AHNAK: variants seen among roughly 807,000 people sequenced by gnomAD.
The protein encoded by AHNAK is AHNAK nucleoprotein.
AHNAK carries 23 observed loss-of-function variants against 37.8 expected under a neutral mutation model. The observed-to-expected ratio is 0.61, with a 90% CI of 0.44 to 0.86. The LOEUF (loss-of-function observed/expected upper bound fraction) is 0.86, where lower values mean the gene tolerates loss of function less well. Ranked by LOEUF, AHNAK falls within the 40% of genes least tolerant of loss-of-function variation. The pLI is 0.00. For missense variants in AHNAK, 7,411 were observed against 7,319.4 expected (o/e 1.01, Z -0.46); for synonymous variants, 2,481 against 2,636.3 (o/e 0.94, Z 1.80).
intron 4 of AHNAK, among the ~76,000 whole-genome samples, chr11:62,497,113 T>C (rs965813101): frequency 2.6e-5 from 4 of 152,184 alleles, no homozygotes; most frequent in Admixed American, 6.5e-5. Flanking sequence ...TGCGGTATCA[T>C]TCCTGAGGTA....
rs1270885721 is a variant in AHNAK, at chr11:62,520,017, C to T, written c.14400G>A (p.Val4800=). 1 of 1,613,504 alleles carries T rather than the reference C, an allele frequency of 6.2e-7. No homozygotes were observed. Among genetic ancestry groups the T allele is most frequent in the African/African-American group, 1.3e-5 (1 of 74,746 alleles). The change falls in exon 5 of 5, where the codon GTG becomes GTA. Residue 4800 remains valine (V), a synonymous_variant. Coordinates refer to ENST00000378024, the MANE Select transcript of AHNAK (RefSeq NM_001620.3). ...TGTCGGCCTTGGGCAGGCTCACATC[C>T]ACATCTGGACCTTCTCCTTTGAAGC... ...MPGFKGEGPD[V]DVSLPKADID... is the part of the protein sequence containing the mutation.
At chr11:62,513,781 A>T (rs1257501132), downstream of AHNAK, among the ~76,000 whole-genome samples, 1 of 152,172 alleles carries the variant, frequency 6.6e-6, no homozygotes, top group Non-Finnish European at 1.5e-5. Flanking sequence ...GGTGGCTAGA[A>T]GACTCTCAAG....
chr11:62,530,816 C>T lies in AHNAK; in HGVS notation c.3601G>A (p.Asp1201Asn), dbSNP rs1259650365. The T allele has an allele frequency of 8.7e-6, 14 of 1,613,720 alleles. No homozygotes were observed. The highest frequency in any genetic ancestry group is 1.3e-5 in the African/African-American group (1 of 74,758). The change falls in exon 5 of 5, where the codon GAC (aspartate) becomes AAC (asparagine). Residue 1201 changes from aspartate (D) to asparagine (N), a missense_variant. Asp to Asn is a conservative substitution (Grantham distance 23). Transcript: ENST00000378024. ...ACTTTGGGGCCTTTCAAGTGTAAGT[C>T]CACATCAGGCATGGAGATCTTGGGG... ...KTPKISMPDV[D>N]LHLKGPKVKG...
chr11:62,507,570 C>T (rs958276896), intron 4 of AHNAK, among the ~76,000 whole-genome samples: 2 of 152,146 alleles, frequency 1.3e-5, no homozygotes, highest in African/African-American at 2.4e-5. Context: ...GCGGGCAGAT[C>T]ACTTGAGGTC....
Position 62,516,588 on chromosome 11 carries a change from G to A in AHNAK, c.*156C>T, listed in dbSNP as rs931899399. 1.4e-5 allele frequency: 20 copies of A among 1,471,590 alleles called. No homozygotes were observed. In the South Asian group the frequency reaches 2.1e-4, roughly 16 times the overall value. 91.2% of individuals were successfully genotyped at this position (1,471,590 alleles called of 1,614,324 possible). On this transcript the variant is annotated 3_prime_UTR_variant, in exon 5 of 5. Coordinates refer to ENST00000378024, the MANE Select transcript of AHNAK (RefSeq NM_001620.3). ...TGTATAGTTCCAGGAGCCTACAGGC[G>A]GTCGGTTTTTCAGCGCTTGCCACCG...
At position 62,516,847 on chromosome 11, in the gene AHNAK, G is replaced by C. The variant is rs771775611; in HGVS notation, c.17570C>G (p.Ser5857Cys). 9 of 1,614,106 alleles carry C rather than the reference G, an allele frequency of 5.6e-6. No homozygotes were observed. Among genetic ancestry groups the C allele is most frequent in the Non-Finnish European group, 6.8e-6 (8 of 1,180,032 alleles). The change falls in exon 5 of 5, where the codon TCT becomes TGT. Residue 5857 changes from serine (S) to cysteine (C), a missense_variant. By Grantham distance (112) the Ser-to-Cys change is moderately radical. Coordinates refer to ENST00000378024, the MANE Select transcript of AHNAK (RefSeq NM_001620.3). ...KLQGSGVSLA[S>C]KKSRLSSSSS... is the part of the protein sequence containing the mutation. The stretch of plus-strand genomic sequence containing the variant: ...AGAGGAGGACAGTCGGGACTTCTTA[G>C]AGGCCAGGGACACCCCACTCCCCTG...
chr11:62,541,612 A>G (rs1318121411), intron 1 of AHNAK, among the ~76,000 whole-genome samples: 1 of 152,224 alleles, frequency 6.6e-6, no homozygotes, highest in Non-Finnish European at 1.5e-5. Context: ...CCCACACACA[A>G]GTAGAAAGAG....
rs1467927373 is a variant in AHNAK at position 62,529,861 on chromosome 11, C to A, written c.4556G>T (p.Ser1519Ile). Residue 1519 changes from serine to isoleucine, a missense_variant, in exon 5 of 5, where the codon AGC becomes ATC. Coordinates refer to ENST00000378024, the MANE Select transcript of AHNAK (RefSeq NM_001620.3). ...GCCCTCTCCTTTAAAGCCAGGCATG[C>A]TGAACTTGGGCATTTTTACCTTGGG... Reference protein sequence around the residue: ...KMPKVKMPKFSMPGFKGEGPE... With the variant: ...KMPKVKMPKFIMPGFKGEGPE... The A allele has an allele frequency of 1.9e-6, 3 of 1,614,004 alleles. No individual in the cohort carries two copies. The highest frequency in any genetic ancestry group is 3.3e-5 in the Admixed American group (2 of 59,988).
At chr11:62,534,182 G>C (rs1460682660) in intron 4 of AHNAK, 108 bp from the exon 5 acceptor site, 2 of 1,238,464 alleles carry the variant, frequency 1.6e-6, no homozygotes, top group Admixed American at 5.7e-5. Flanking sequence ...AGAGAAGCTG[G>C]GACCAAAACA....
chr11:62,466,114 G>A (rs943495069), intron 5 of AHNAK, among the ~76,000 whole-genome samples: 5 of 152,130 alleles, frequency 3.3e-5, no homozygotes, highest in Non-Finnish European at 7.4e-5. Flanking sequence ...AAGGCCAGGA[G>A]TTCGAGATCA....
intron 5 of AHNAK, among the ~76,000 whole-genome samples, chr11:62,454,348 G>A (rs1938607614): frequency 6.6e-6 from 1 of 151,320 alleles, no homozygotes; most frequent in Non-Finnish European, 1.5e-5. Context: ...GGGAGGCGGA[G>A]CTTGCAGTGA....
rs145683220 is a variant in AHNAK at position 62,480,921 on chromosome 11, C to G, written c.442+10811G>C. ...GCAGGAACAGCCATCCACAGGAAAA[C>G]AGACCTCAGTAAATAATGTCCTCGA... is the stretch of plus-strand genomic sequence containing the variant. On this transcript the variant is annotated intron_variant, in intron 5 of 5. Transcript: ENST00000257247. Among the ~76,000 whole-genome samples, 84 of 149,304 alleles carry G rather than the reference C, an allele frequency of 5.6e-4. 1 individual carries two copies. The highest frequency in any genetic ancestry group is 2.0e-3 in the African/African-American group (81 of 40,488).
intron 1 of AHNAK, among the ~76,000 whole-genome samples, chr11:62,542,275 G>A (rs938172202): frequency 6.6e-6 from 1 of 151,974 alleles, no homozygotes; most frequent in Admixed American, 6.6e-5. Flanking sequence ...CCCTATGCCT[G>A]TTTACCTGGC....
At chr11:62,545,852 G>A (rs1236798631) in intron 1 of AHNAK, 1 of 152,074 alleles carries the variant, frequency 6.6e-6, no homozygotes, top group African/African-American at 2.4e-5. Context: ...CCGCCCGGAC[G>A]GGTTTGGGAG....
Position 62,524,104 on chromosome 11 carries a change from G to A in AHNAK, c.10313C>T (p.Pro3438Leu), listed in dbSNP as rs764301481. Residue 3438 changes from proline to leucine, a missense_variant, in exon 5 of 5, where the codon CCC (proline) becomes CTC (leucine). By Grantham distance (98) the Pro-to-Leu change is moderately conservative. Coordinates refer to ENST00000378024, the MANE Select transcript of AHNAK (RefSeq NM_001620.3). ...GCCTTTAAAGTCACCTTCTAAATTG[G>A]GACCTGCAATATCTAAGTCTCCTTT... Reference protein sequence around the residue: ...KVKGDLDIAGPNLEGDFKGPK... With the variant: ...KVKGDLDIAGLNLEGDFKGPK... 1.9e-6 allele frequency: 3 copies of A among 1,613,840 alleles called. No individual in the cohort carries two copies. The highest frequency in any genetic ancestry group is 2.2e-5 in the East Asian group (1 of 44,884).
At chr11:62,467,334 C>T (rs1290104718) in intron 5 of AHNAK, among the ~76,000 whole-genome samples, 1 of 152,106 alleles carries the variant, frequency 6.6e-6, no homozygotes, top group African/African-American at 2.4e-5. Context: ...AAAGTATACC[C>T]TATAAATGCC....
Position 62,524,128 on chromosome 11 carries a change from T to C in AHNAK, c.10289A>G (p.Lys3430Arg). ...VELNLKSPKV[K>R]GDLDIAGPNL... ...GGGACCTGCAATATCTAAGTCTCCT[T>C]TGACTTTGGGACTTTTCAAATTTAG... is the stretch of plus-strand genomic sequence containing the variant. Residue 3430 changes from lysine to arginine, a missense_variant, in exon 5 of 5, where the codon AAA becomes AGA. By Grantham distance (26) the Lys-to-Arg change is conservative. Transcript: ENST00000378024. 6.2e-7 allele frequency: 1 copy of C among 1,614,180 alleles called. No individual in the cohort carries two copies. The highest frequency in any genetic ancestry group is 8.5e-7 in the Non-Finnish European group (1 of 1,180,030).
In AHNAK at chr11:62,528,245, T is replaced by A; in HGVS notation, c.6172A>T (p.Met2058Leu). The change falls in exon 5 of 5, where the codon ATG (methionine) becomes TTG (leucine). Residue 2058 changes from methionine to leucine, a missense_variant. Coordinates refer to ENST00000378024, the MANE Select transcript of AHNAK (RefSeq NM_001620.3). ...MPKMKMPKFS[M>L]PGFKAEGPEV... ...GGGCCCTCTGCTTTGAAGCCAGGCA[T>A]GCTGAACTTGGGCATTTTCATCTTG... is the stretch of plus-strand genomic sequence containing the variant. 1.2e-6 allele frequency: 2 copies of A among 1,614,130 alleles called. No individual in the cohort carries two copies. The highest frequency in any genetic ancestry group is 1.7e-6 in the Non-Finnish European group (2 of 1,180,034).
chr11:62,537,297 C>T (rs903861087), intron 1 of AHNAK: 3 of 152,288 alleles, frequency 2.0e-5, no homozygotes, highest in African/African-American at 7.2e-5. Context: ...GGCTCTGTCA[C>T]ACAGGCTGGA....
Sources: gnomAD v4.1 joint callset for allele counts (sites outside exome capture counted in the v4.1 genomes callset) on GRCh38, gnomAD v4.1.1 for gene constraint, MANE v1.5 for transcripts, NCBI Gene and HGNC (gene_info 2026-07-23, HGNC 2026-07-21) for gene names.